The following KIF6 variants were observed in gnomAD, a reference collection of about 807,000 sequenced individuals.
The protein encoded by KIF6 is kinesin-like protein KIF6.
A neutral mutation model predicts 112.7 loss-of-function variants in KIF6; 106 were observed. That is an observed-to-expected ratio of 0.94 (90% CI 0.80 to 1.11). The LOEUF (loss-of-function observed/expected upper bound fraction) is 1.11, where lower values mean the gene tolerates loss of function less well. Among genes scored for constraint, KIF6 ranks in the 50% least tolerant of loss-of-function variants. The probability of loss-of-function intolerance (pLI) is 0.00; values close to 1 mark genes in which losing one functional copy is unlikely to be tolerated. For synonymous variants in KIF6, 339 were observed against 339.9 expected (o/e 1.00, Z 0.03); for missense variants, 929 against 964.0 (o/e 0.96, Z 0.48).
chr6:39,407,021 A>G (rs1769134608), intron 15 of KIF6, among the ~76,000 whole-genome samples: 2 of 152,270 alleles, frequency 1.3e-5, no homozygotes, highest in South Asian at 4.1e-4. Flanking sequence ...CTTCCAAAGC[A>G]CTAGGATTAC....
chr6:39,449,942 C>G (rs1048844714), intron 13 of KIF6, among the ~76,000 whole-genome samples: 1 of 152,252 alleles, frequency 6.6e-6, no homozygotes, highest in African/African-American at 2.4e-5. Context: ...TGTACCCTGA[C>G]TAACCTCATC....
At chr6:39,493,330 A>G (rs1775584364) in intron 13 of KIF6, among the ~76,000 whole-genome samples, 1 of 152,244 alleles carries the variant, frequency 6.6e-6, no homozygotes, top group Non-Finnish European at 1.5e-5. Context: ...TTTACCATAA[A>G]GTGGTTAAGT....
rs1331258571 is a variant in KIF6, at chr6:39,647,748, C to A, written c.252-7991G>T. Among the ~76,000 whole-genome samples the A allele has an allele frequency of 2.7e-5, 4 of 150,728 alleles. No individual in the cohort carries two copies. The East Asian group carries it at 7.8e-4, about 29-fold the overall frequency. On this transcript the variant is annotated intron_variant, in intron 3 of 22. Coordinates refer to ENST00000287152, the MANE Select transcript of KIF6 (RefSeq NM_145027.6). ...TTGAGACAGAGTCTCCCTCTGTCAC[C>A]CAGGCTGGAGTGCAATGGTGCGATC...
At chr6:39,689,986 T>C (rs1402672723) in intron 3 of KIF6, 1 of 152,236 alleles carries the variant, frequency 6.6e-6, no homozygotes, top group Non-Finnish European at 1.5e-5. Flanking sequence ...GGTGCCATTT[T>C]AAATTTTATT....
At chr6:39,478,191 C>T (rs1044973263) in intron 13 of KIF6, among the ~76,000 whole-genome samples, 4 of 151,688 alleles carry the variant, frequency 2.6e-5, no homozygotes, top group Non-Finnish European at 5.9e-5. Context: ...TATCTGTTAC[C>T]CCCCTTTCAC....
intron 14 of KIF6, among the ~76,000 whole-genome samples, chr6:39,422,600 G>A (rs923140158): frequency 2.0e-5 from 3 of 152,222 alleles, no homozygotes; most frequent in East Asian, 3.8e-4. Flanking sequence ...CCAACCCTGA[G>A]TGTGTAGAGG....
intron 5 of KIF6, among the ~76,000 whole-genome samples, chr6:39,619,969 T>C (rs376902167): frequency 2.6e-5 from 4 of 152,182 alleles, no homozygotes; most frequent in Admixed American, 1.3e-4. Flanking sequence ...CAATATCACT[T>C]CACAACCATC....
intron 13 of KIF6, among the ~76,000 whole-genome samples, chr6:39,451,525 G>C (rs1431862075): frequency 6.6e-6 from 1 of 152,142 alleles, no homozygotes; most frequent in African/African-American, 2.4e-5. Context: ...CACTCTACTA[G>C]GGCATAACCT....
Position 39,357,324 on chromosome 6 carries a change from C to T in KIF6, c.2133G>A (p.Gln711=). ...NSLDHTKPFL[Q]TSDSQHEWSQ... is the part of the protein sequence containing the mutation. The stretch of plus-strand genomic sequence containing the variant: ...ACCATTCATGCTGGGAGTCAGATGT[C>T]TGGAGAAATGGCTTCGTGTGATCGA... Residue 711 remains glutamine, a synonymous_variant, in exon 19 of 23, where the codon CAG becomes CAA. Transcript: ENST00000287152. The T allele has an allele frequency of 1.9e-6, 3 of 1,614,024 alleles. No homozygotes were observed. The highest frequency in any genetic ancestry group is 2.5e-6 in the Non-Finnish European group (3 of 1,179,956).
chr6:39,679,415 A>G (rs1209486577), intron 3 of KIF6, among the ~76,000 whole-genome samples: 1 of 152,116 alleles, frequency 6.6e-6, no homozygotes, highest in Non-Finnish European at 1.5e-5. Context: ...CAGGGCAAGG[A>G]AGACGGAAGA....
chr6:39,369,652 C>T (rs992833045), intron 16 of KIF6, among the ~76,000 whole-genome samples: 12 of 152,184 alleles, frequency 7.9e-5, no homozygotes, highest in African/African-American at 2.9e-4. Flanking sequence ...TTCTCACCAG[C>T]ATGTTCTCTG....
chr6:39,403,783 C>T (rs1312864237), intron 15 of KIF6, among the ~76,000 whole-genome samples: 7 of 152,152 alleles, frequency 4.6e-5, no homozygotes, highest in Non-Finnish European at 1.0e-4. Context: ...CCAGTTGCTC[C>T]ACATCCTTGC....
intron 9 of KIF6, among the ~76,000 whole-genome samples, chr6:39,579,252 TACTTTC>T (rs1781152740): frequency 1.3e-5 from 2 of 152,184 alleles, no homozygotes; most frequent in South Asian, 4.1e-4. Context: ...TATTGACAGG[TACTTTC>T]ATTTTGCCAA....
At chr6:39,443,733 C>A (rs142041610) in intron 13 of KIF6, among the ~76,000 whole-genome samples, 166 of 152,192 alleles carry the variant, frequency 1.1e-3, no homozygotes, top group African/African-American at 2.0e-3. Flanking sequence ...TGTGAGCCAC[C>A]ATGCCTGGTC....
chr6:39,676,002 T>C (rs908222110), intron 3 of KIF6, among the ~76,000 whole-genome samples: 14 of 149,422 alleles, frequency 9.4e-5, no homozygotes, highest in Admixed American at 2.7e-4. Flanking sequence ...AAAAGAAAAA[T>C]GTATGTTTAA....
At chr6:39,366,458 C>A (rs1372268758) in intron 16 of KIF6, among the ~76,000 whole-genome samples, 1 of 152,186 alleles carries the variant, frequency 6.6e-6, no homozygotes, top group Non-Finnish European at 1.5e-5. Context: ...AAACCACAAA[C>A]AATTGAGTCT....
intron 22 of KIF6, among the ~76,000 whole-genome samples, chr6:39,340,920 C>T (rs1444755624): frequency 6.6e-6 from 1 of 152,116 alleles, no homozygotes; most frequent in Non-Finnish European, 1.5e-5. Context: ...GATATCTCAG[C>T]TCAAAGGATA....
intron 6 of KIF6, among the ~76,000 whole-genome samples, chr6:39,606,745 T>G (rs1022664095): frequency 6.6e-6 from 1 of 152,116 alleles, no homozygotes; most frequent in Non-Finnish European, 1.5e-5. Flanking sequence ...GTATTTAAGG[T>G]TTCTTCTTTG....
chr6:39,618,262 G>C (rs1783633625), intron 5 of KIF6, among the ~76,000 whole-genome samples: 1 of 152,166 alleles, frequency 6.6e-6, no homozygotes, highest in African/African-American at 2.4e-5. Flanking sequence ...CTAGTAGCTT[G>C]AAAACCGTAT....
Sources: gnomAD v4.1 joint callset for allele counts (sites outside exome capture counted in the v4.1 genomes callset) on GRCh38, gnomAD v4.1.1 for gene constraint, MANE v1.5 for transcripts, NCBI Gene and HGNC (gene_info 2026-07-23, HGNC 2026-07-21) for gene names.